NRG4: variants seen among roughly 807,000 people sequenced by gnomAD.
NRG4 encodes the protein pro-neuregulin-4, membrane-bound isoform.
A neutral mutation model predicts 15.0 loss-of-function variants in NRG4; 10 were observed. That is an observed-to-expected ratio of 0.67 (90% CI 0.41 to 1.13). The LOEUF (loss-of-function observed/expected upper bound fraction) is 1.13. Ranked by LOEUF, NRG4 falls within the 50% of genes most tolerant of loss-of-function variation. The probability of loss-of-function intolerance (pLI) is 0.00; values close to 1 mark genes in which losing one functional copy is unlikely to be tolerated. For missense variants in NRG4, 139 were observed against 140.2 expected (o/e 0.99, Z 0.04); for synonymous variants, 41 against 50.1 (o/e 0.82, Z 0.77).
chr15:75,937,612 T>G (rs1236431715), downstream of NRG4: 2 of 151,260 alleles, frequency 1.3e-5, no homozygotes, highest in African/African-American at 4.8e-5. Context: ...CCCAATCATC[T>G]GCAGAATGGT....
rs187767308 is a variant in NRG4, at chr15:76,024,013, C to T, written c.-57+11931G>A. Among the ~76,000 whole-genome samples the T allele has an allele frequency of 1.9e-3, 286 of 152,316 alleles. 6 individuals are homozygous for T. The highest frequency in any genetic ancestry group is 6.3e-3 in the African/African-American group (261 of 41,576). ...TACAAGCCTAGGACCTGAGAGATAG[C>T]CCTGCAGCACCCACCTCTCCTGCTG... On this transcript the variant is annotated intron_variant, in intron 5 of 8. Transcript: ENST00000563910.
intron 3 of NRG4, among the ~76,000 whole-genome samples, chr15:75,978,557 C>T (rs533403492): frequency 1.8e-4 from 27 of 152,202 alleles, no homozygotes; most frequent in Non-Finnish European, 3.1e-4. Flanking sequence ...GAGACATATA[C>T]CCAGCAGCAG....
At chr15:76,011,555 GA>G (rs1432162902) in intron 1 of NRG4, among the ~76,000 whole-genome samples, 1 of 152,126 alleles carries the variant, frequency 6.6e-6, no homozygotes, top group African/African-American at 2.4e-5. Flanking sequence ...TCTCTCTGCA[GA>G]AAAGTCTAAT....
Position 75,966,277 on chromosome 15 carries a change from G to A in NRG4, c.105-4303C>T, listed in dbSNP as rs1319726265. On this transcript the variant is annotated intron_variant, in intron 3 of 5. Coordinates refer to ENST00000394907, the MANE Select transcript of NRG4 (RefSeq NM_138573.4). ...ATGTAAACAAACAGAGCACCATTTA[G>A]CTTCAAGAAACATTACTGGACTGTG... is the stretch of plus-strand genomic sequence containing the variant. 7.2e-5 allele frequency among the ~76,000 whole-genome samples: 11 copies of A among 152,284 alleles called. No homozygotes were observed. The East Asian group carries it at 1.9e-3, about 27-fold the overall frequency.
At chr15:76,004,937 CAAAACTT>C (rs2034544738) in intron 3 of NRG4, among the ~76,000 whole-genome samples, 1 of 152,172 alleles carries the variant, frequency 6.6e-6, no homozygotes, top group Admixed American at 6.5e-5. Flanking sequence ...TTGACTCCCT[CAAAACTT>C]AACTACTAAT....
chr15:76,055,945 G>A (rs1284868307), intron 2 of NRG4, among the ~76,000 whole-genome samples: 1 of 152,128 alleles, frequency 6.6e-6, no homozygotes, highest in East Asian at 1.9e-4. Context: ...GCCATTCAAG[G>A]TAAAATCTGC....
intron 3 of NRG4, among the ~76,000 whole-genome samples, chr15:75,964,775 A>G (rs2032707891): frequency 1.3e-5 from 2 of 151,916 alleles, no homozygotes; most frequent in Admixed American, 1.3e-4. Context: ...AAAAATAACA[A>G]AAATTAGCTG....
intron 2 of NRG4, chr15:76,053,048 T>G (rs1446875553): frequency 6.6e-6 from 1 of 151,090 alleles, no homozygotes; most frequent in Non-Finnish European, 1.5e-5. Context: ...TCATAAAAAT[T>G]TAGAGTTAGA....
At chr15:76,005,848 A>G (rs1443258778) in intron 3 of NRG4, 5 of 396,460 alleles carry the variant, frequency 1.3e-5, no homozygotes, top group Admixed American at 5.9e-5. Flanking sequence ...GGCAGGCAAC[A>G]TAACACAAAG....
rs1251708887 is a variant in NRG4, at chr15:75,995,703, T to C, written c.104+13497A>G. On this transcript the variant is annotated intron_variant, in intron 3 of 5. Transcript: ENST00000394907. ...AATGCAAATTGAATTATAAAGTCAA[T>C]GGATCAGAGTAGAATAAAGCAAAGT... 2.6e-5 allele frequency among the ~76,000 whole-genome samples: 4 copies of C among 152,316 alleles called. No homozygotes were observed. In the East Asian group the frequency reaches 7.7e-4, roughly 29 times the overall value.
intron 4 of NRG4, among the ~76,000 whole-genome samples, chr15:76,039,972 G>A (rs774249421): frequency 5.9e-5 from 9 of 152,082 alleles, no homozygotes; most frequent in Non-Finnish European, 1.2e-4. Context: ...GGCAGAGGTT[G>A]AGGTGAGCCA....
At chr15:75,958,409 C>T (rs1246222778) in intron 4 of NRG4, among the ~76,000 whole-genome samples, 3 of 152,196 alleles carry the variant, frequency 2.0e-5, no homozygotes, top group Non-Finnish European at 4.4e-5. Context: ...TCTTACCCTA[C>T]TACCTACTGT....
At chr15:75,949,392 C>CAAAAA (rs59154521) in intron 5 of NRG4, among the ~76,000 whole-genome samples, 18 of 144,404 alleles carry the variant, frequency 1.2e-4, no homozygotes, top group African/African-American at 2.6e-4. Flanking sequence ...GCCTGGGTGA[C>CAAAAA]AAAAAAAAAA....
chr15:75,990,149 A>T (rs1022634002), intron 3 of NRG4, among the ~76,000 whole-genome samples: 4 of 152,196 alleles, frequency 2.6e-5, no homozygotes, highest in Non-Finnish European at 5.9e-5. Flanking sequence ...TTCTTTGCGC[A>T]GCACTATGGA....
intron 4 of NRG4, among the ~76,000 whole-genome samples, chr15:76,049,886 A>G (rs2035956166): frequency 1.3e-5 from 2 of 150,946 alleles, no homozygotes; most frequent in African/African-American, 4.9e-5. Context: ...GAGATGATAC[A>G]TTAAGAGTCC....
chr15:75,977,364 G>C lies in NRG4; in HGVS notation c.105-15390C>G, dbSNP rs1403732498. On this transcript the variant is annotated intron_variant, in intron 3 of 5. Coordinates refer to ENST00000394907, the MANE Select transcript of NRG4 (RefSeq NM_138573.4). The surrounding 1 kb of genome is among the most constrained non-coding windows in gnomAD (Gnocchi z 4.9). ...CTCACTGGTGTTGCAGGCGCCACTG[G>C]GGTATGAAAAACCCCTGCAGCTAGC... is the stretch of plus-strand genomic sequence containing the variant. Among the ~76,000 whole-genome samples the C allele has an allele frequency of 6.6e-6, 1 of 152,148 alleles. No individual in the cohort carries two copies. The highest frequency in any genetic ancestry group is 1.9e-4 in the East Asian group (1 of 5,192).
At chr15:75,949,983 A>G (rs2031778718) in intron 5 of NRG4, among the ~76,000 whole-genome samples, 1 of 152,212 alleles carries the variant, frequency 6.6e-6, no homozygotes, top group African/African-American at 2.4e-5. Context: ...GGAATTTTAG[A>G]ACCACCTTGT....
chr15:75,941,940 C>G lies in NRG4; in HGVS notation c.*1698G>C, dbSNP rs928346655. Reference sequence around the variant, plus strand: ...TTGCCACAGTAAATTTTTAAACCACCAAAAAAAAAAAAAAAAAAAAATATG... The same window carrying G: ...TTGCCACAGTAAATTTTTAAACCACGAAAAAAAAAAAAAAAAAAAAATATG... On this transcript the variant is annotated 3_prime_UTR_variant, in exon 6 of 6. Coordinates refer to ENST00000394907, the MANE Select transcript of NRG4 (RefSeq NM_138573.4). The G allele has an allele frequency of 4.0e-5, 1 of 24,848 alleles. No individual in the cohort carries two copies. Among genetic ancestry groups the G allele is most frequent in the African/African-American group, 1.1e-4 (1 of 9,078 alleles). The allele number at this position is 24,848 out of a possible 1,614,324, so 1.5% of individuals were successfully genotyped here. A position where few individuals can be genotyped will look rare whatever the true frequency, so the allele number is the denominator to read the frequency against.
chr15:76,030,081 A>AC (rs1189039282), intron 5 of NRG4, among the ~76,000 whole-genome samples: 1 of 152,048 alleles, frequency 6.6e-6, no homozygotes, highest in East Asian at 1.9e-4. Flanking sequence ...ACACGGTGAA[A>AC]CCCCGCTTCT....
Sources: gnomAD v4.1 joint callset for allele counts (sites outside exome capture counted in the v4.1 genomes callset) on GRCh38, gnomAD v4.1.1 for gene constraint, Gnocchi (gnomAD v3.1) non-coding constraint, MANE v1.5 for transcripts, NCBI Gene and HGNC (gene_info 2026-07-23, HGNC 2026-07-21) for gene names.